TRAPPC13: variants seen among roughly 807,000 people sequenced by gnomAD.
TRAPPC13 encodes trafficking protein particle complex subunit 13.
A neutral mutation model predicts 54.0 loss-of-function variants in TRAPPC13; 39 were observed. The ratio of observed to expected loss-of-function variants is 0.72; its 90% CI spans 0.56 to 0.94. TRAPPC13 has a LOEUF of 0.94. Ranked by LOEUF, TRAPPC13 falls within the 40% of genes least tolerant of loss-of-function variation. The pLI is 0.00. For synonymous variants in TRAPPC13, 148 were observed against 167.7 expected (o/e 0.88, Z 0.91); for missense variants, 386 against 488.1 (o/e 0.79, Z 1.97).
chr5:65,643,818 G>GAA (rs529875913), intron 4 of TRAPPC13, among the ~76,000 whole-genome samples: 8 of 49,970 alleles, frequency 1.6e-4, no homozygotes, highest in East Asian at 6.6e-4. Context: ...CTCCGTCTCA[G>GAA]AAAAAAAAAA....
chr5:65,649,227 C>CT (rs35395647), intron 5 of TRAPPC13, among the ~76,000 whole-genome samples: 90,314 of 150,864 alleles, frequency 0.6, 27,325 homozygotes, highest in South Asian at 0.64. Flanking sequence ...AAAAAAGAAA[C>CT]TTTTTTTTTA....
intron 11 of TRAPPC13, chr5:65,662,940 TTTTAGTGACACTCATATATTGTGTA>T (rs1395286633): frequency 2.0e-5 from 3 of 152,146 alleles, no homozygotes; most frequent in Non-Finnish European, 2.9e-5. Flanking sequence ...TAACTTAGTT[TTTTAGTGACACTCATATATTGTGTA>T]TTTAGTGACA....
intron 4 of TRAPPC13, among the ~76,000 whole-genome samples, chr5:65,645,164 C>T (rs555547151): frequency 4.1e-5 from 6 of 145,076 alleles, no homozygotes; most frequent in African/African-American, 2.6e-5. Flanking sequence ...TGCCATTGCA[C>T]GCCAGCCTGG....
In TRAPPC13 at chr5:65,658,369, C is replaced by T; in HGVS notation, c.566C>T (p.Thr189Ile). The T allele has an allele frequency of 6.3e-7, 1 of 1,595,936 alleles. No individual in the cohort carries two copies. Among genetic ancestry groups the T allele is most frequent in the Non-Finnish European group, 8.5e-7 (1 of 1,170,072 alleles). ...YNAESDLSSV[T>I]DEVFLEAQIQ... ...TGGATATTTTTTTCATATCCTCAGA[C>T]TGATGAAGTATTTCTGGAAGCCCAG... The change falls in exon 9 of 13, where the codon ACT becomes ATT. Residue 189 changes from threonine to isoleucine, a missense_variant and splice_region_variant. Physicochemically the swap from Thr to Ile is moderately conservative, Grantham distance 89. Coordinates refer to ENST00000399438, the MANE Select transcript of TRAPPC13 (RefSeq NM_024941.4).
intron 10 of TRAPPC13, 159 bp downstream of exon 10, chr5:65,661,056 GT>G: frequency 1.8e-6 from 1 of 545,410 alleles, no homozygotes; most frequent in Non-Finnish European, 3.2e-6. Flanking sequence ...TGATAGGTAG[GT>G]CGAAGACTGG....
rs1411614014 is a variant in TRAPPC13 at position 65,652,555 on chromosome 5, G to T, written c.546+10G>T. 6.3e-7 allele frequency: 1 copy of T among 1,595,546 alleles called. No homozygotes were observed. Among genetic ancestry groups the T allele is most frequent in the Admixed American group, 1.7e-5 (1 of 59,890 alleles). On this transcript the variant is annotated intron_variant, in intron 7 of 12. Coordinates refer to ENST00000399438, the MANE Select transcript of TRAPPC13 (RefSeq NM_024941.4). ...ATTTTACAATGCAGAGGTAAGTGTT[G>T]AGTGTTTAATGGGATTTCATATTAA...
intron 4 of TRAPPC13, among the ~76,000 whole-genome samples, chr5:65,645,633 T>C (rs1407298795): frequency 6.6e-6 from 1 of 151,902 alleles, no homozygotes; most frequent in Non-Finnish European, 1.5e-5. Flanking sequence ...TGAAACCCCG[T>C]CTCTACTAAA....
chr5:65,647,418 T>G (rs527763711), intron 5 of TRAPPC13, among the ~76,000 whole-genome samples: 1 of 152,276 alleles, frequency 6.6e-6, no homozygotes, highest in East Asian at 1.9e-4. Flanking sequence ...CTACAATCTC[T>G]AAAAAATGAA....
intron 3 of TRAPPC13, among the ~76,000 whole-genome samples, chr5:65,636,414 T>C (rs1205419975): frequency 2.0e-5 from 3 of 152,032 alleles, no homozygotes; most frequent in Non-Finnish European, 4.4e-5. Flanking sequence ...AGTGCTTGGA[T>C]TGCAGGCATG....
chr5:65,632,764 A>G (rs1025707862), intron 1 of TRAPPC13, among the ~76,000 whole-genome samples: 6 of 152,244 alleles, frequency 3.9e-5, no homozygotes, highest in Non-Finnish European at 7.3e-5. Flanking sequence ...AATGCTAGCT[A>G]TACAGAGTAA....
At chr5:65,649,731 G>A (rs904304763) in intron 5 of TRAPPC13, among the ~76,000 whole-genome samples, 5 of 151,880 alleles carry the variant, frequency 3.3e-5, no homozygotes, top group Non-Finnish European at 5.9e-5. Flanking sequence ...CCACTTTCTC[G>A]TATTGTTACA....
rs745851265 is a variant in TRAPPC13, at chr5:65,662,101, G to T, written c.949G>T (p.Val317Leu). ...RLSLEAIPDT[V>L]NLEEPFHITC... ...GTCTTTGGAGGCAATACCAGATACCGTAAACCTTGAAGAACCTTTTCATAT... is the reference window on the plus strand; with the variant it reads ...GTCTTTGGAGGCAATACCAGATACCTTAAACCTTGAAGAACCTTTTCATAT... Residue 317 changes from valine (V) to leucine (L), a missense_variant, in exon 11 of 13, where the codon GTA (valine) becomes TTA (leucine). By Grantham distance (32) the Val-to-Leu change is conservative. Coordinates refer to ENST00000399438, the MANE Select transcript of TRAPPC13 (RefSeq NM_024941.4). The T allele has an allele frequency of 6.2e-7, 1 of 1,608,670 alleles. No homozygotes were observed.
At chr5:65,649,152 G>A (rs138660256) in intron 5 of TRAPPC13, among the ~76,000 whole-genome samples, 1 of 152,108 alleles carries the variant, frequency 6.6e-6, no homozygotes, top group Non-Finnish European at 1.5e-5. Context: ...GGAGGTCAAG[G>A]CTTCAGTGAT....
chr5:65,627,648 C>G (rs2150657645), intron 1 of TRAPPC13, among the ~76,000 whole-genome samples: 1 of 152,014 alleles, frequency 6.6e-6, no homozygotes, highest in Admixed American at 6.6e-5. Context: ...AAAGTCATCC[C>G]TTGAGTATAA....
intron 1 of TRAPPC13, chr5:65,625,374 C>A (rs1755162184): frequency 4.6e-6 from 2 of 430,888 alleles, no homozygotes; most frequent in Admixed American, 8.4e-5. Flanking sequence ...AAGCTGACGT[C>A]CCGCTCCTAC....
At chr5:65,649,890 T>C (rs1265174018) in intron 5 of TRAPPC13, among the ~76,000 whole-genome samples, 1 of 150,186 alleles carries the variant, frequency 6.7e-6, no homozygotes, top group Non-Finnish European at 1.5e-5. Context: ...GGAGTCTTAC[T>C]CTGTCGCCCA....
chr5:65,650,689 C>T (rs1274428573), intron 5 of TRAPPC13, 121 bp from the exon 6 acceptor site: 2 of 701,418 alleles, frequency 2.9e-6, no homozygotes, highest in Admixed American at 5.4e-5. Context: ...CTGCTCTAAT[C>T]TCACACATCC....
At chr5:65,636,700 C>G (rs1269632335) in intron 3 of TRAPPC13, among the ~76,000 whole-genome samples, 1 of 152,136 alleles carries the variant, frequency 6.6e-6, no homozygotes, top group Admixed American at 6.6e-5. Flanking sequence ...AATGAGTTAT[C>G]AGACTTGTCA....
At chr5:65,652,948 T>C (rs1323244066) in intron 7 of TRAPPC13, among the ~76,000 whole-genome samples, 2 of 152,088 alleles carry the variant, frequency 1.3e-5, no homozygotes, top group African/African-American at 4.8e-5. Context: ...TACTGACAAG[T>C]GAAGCTTAGC....
Sources: allele counts gnomAD v4.1 joint callset (sites outside exome capture counted in the v4.1 genomes callset), GRCh38; gene constraint gnomAD v4.1.1; transcripts MANE v1.5; gene names NCBI Gene and HGNC (gene_info 2026-07-23, HGNC 2026-07-21).